Variants in POLR1A observed in about 807,000 individuals in gnomAD.
POLR1A encodes the protein DNA-directed RNA polymerase I subunit RPA1.
Under a neutral mutation model 205.3 loss-of-function variants are expected in POLR1A, and 84 were observed. That is an observed-to-expected ratio of 0.41 (90% CI 0.34 to 0.49). The LOEUF is 0.49. Ranked by LOEUF, POLR1A falls within the 20% of genes least tolerant of loss-of-function variation. The probability of loss-of-function intolerance (pLI) is 0.22; values close to 1 mark genes in which losing one functional copy is unlikely to be tolerated. For synonymous variants in POLR1A, 799 were observed against 863.7 expected (o/e 0.93, Z 1.31); for missense variants, 1,645 against 2,204.5 (o/e 0.75, Z 5.08).
Position 86,078,337 on chromosome 2 carries a change from C to G in POLR1A, c.1087-53G>C, listed in dbSNP as rs1573826572. The stretch of plus-strand genomic sequence containing the variant: ...ATGATGGAAAAAAGCTCCAAAAGGC[C>G]TGGCTTGATTTAATTTTTCTTTCTT... On this transcript the variant is annotated intron_variant, in intron 9 of 33. Coordinates refer to ENST00000263857, the MANE Select transcript of POLR1A (RefSeq NM_015425.6). 7.6e-6 allele frequency: 11 copies of G among 1,437,936 alleles called. No individual in the cohort carries two copies. The Middle Eastern group carries it at 5.4e-4, about 71-fold the overall frequency. 89.1% of individuals were successfully genotyped at this position (1,437,936 alleles called of 1,614,324 possible).
At chr2:86,033,488 C>A (rs765507671) in intron 28 of POLR1A, among the ~76,000 whole-genome samples, 173 bp downstream of exon 28, 43 of 152,224 alleles carry the variant, frequency 2.8e-4, no homozygotes, top group Admixed American at 1.3e-4. Flanking sequence ...GCCCATCAGG[C>A]CAAGAAGTGA....
intron 14 of POLR1A, 112 bp downstream of exon 14, chr2:86,065,162 G>T: frequency 2.0e-6 from 2 of 988,174 alleles, no homozygotes; most frequent in Non-Finnish European, 3.0e-6. Flanking sequence ...TCAGACTATT[G>T]CTGGCTTAGC....
rs781436654 is a variant in POLR1A, at chr2:86,065,260, T to C, written c.2058+14A>G. ...TCCTTTTGTTACATACACTGGCTGT[T>C]CTCTCCCAATTACCTGTTTTCCTGT... On this transcript the variant is annotated intron_variant, in intron 14 of 33. Coordinates refer to ENST00000263857, the MANE Select transcript of POLR1A (RefSeq NM_015425.6). The C allele has an allele frequency of 8.1e-6, 13 of 1,610,412 alleles. No individual in the cohort carries two copies. The East Asian group carries it at 2.7e-4, about 33-fold the overall frequency.
intron 2 of POLR1A, among the ~76,000 whole-genome samples, chr2:86,099,563 C>T (rs1041137952): frequency 6.6e-6 from 1 of 152,026 alleles, no homozygotes; most frequent in African/African-American, 2.4e-5. Flanking sequence ...GCTTCTCCTG[C>T]CACCACACAA....
At chr2:86,084,362 A>G (rs13028023) in intron 6 of POLR1A, among the ~76,000 whole-genome samples, 56,853 of 151,584 alleles carry the variant, frequency 0.38, 13,150 homozygotes, top group Non-Finnish European at 0.52. Context: ...GGCTGTAGGG[A>G]GCCGAGATCG....
intron 31 of POLR1A, among the ~76,000 whole-genome samples, chr2:86,029,631 C>G (rs753349559): frequency 1.1e-4 from 16 of 146,748 alleles, no homozygotes; most frequent in Non-Finnish European, 2.2e-4. Flanking sequence ...GAGTCTCACT[C>G]TGTCCCCCAG....
At chr2:86,096,381 T>A (rs1364185010) in intron 3 of POLR1A, among the ~76,000 whole-genome samples, 1 of 152,042 alleles carries the variant, frequency 6.6e-6, no homozygotes, top group Admixed American at 6.5e-5. Context: ...GTACAATCCC[T>A]ATCAAAATAC....
rs1252512645 is a variant in POLR1A at position 86,099,998 on chromosome 2, T to C, written c.252A>G (p.Pro84=). The part of the protein sequence containing the change: ...CSGHLGHIEL[P]LTVYNPLLFD... ...AGAGGAGAGGGTTATACACTGTGAGTGGGAGCTCAATGTGGCCCAGGTGCC... is the reference window on the plus strand; with the variant it reads ...AGAGGAGAGGGTTATACACTGTGAGCGGGAGCTCAATGTGGCCCAGGTGCC... Residue 84 remains proline (P), a synonymous_variant, in exon 2 of 34, where the codon CCA becomes CCG. Coordinates refer to ENST00000263857, the MANE Select transcript of POLR1A (RefSeq NM_015425.6). The C allele has an allele frequency of 1.9e-6, 3 of 1,613,848 alleles. No homozygotes were observed. Among genetic ancestry groups the C allele is most frequent in the Non-Finnish European group, 2.5e-6 (3 of 1,179,972 alleles).
intron 16 of POLR1A, among the ~76,000 whole-genome samples, chr2:86,051,176 G>A (rs1672794952): frequency 6.6e-6 from 1 of 152,126 alleles, no homozygotes; most frequent in Non-Finnish European, 1.5e-5. Context: ...TGATCCCAAA[G>A]GACATTTATA....
At position 86,028,140 on chromosome 2, in the gene POLR1A, A is replaced by G. The variant is rs931281874; in HGVS notation, c.4898-91T>C. On this transcript the variant is annotated intron_variant, in intron 32 of 33. Transcript: ENST00000263857. This position sits in a 1 kb window ranked among gnomAD's most constrained non-coding sequence, Gnocchi z 4.5. ...AGCCAAGCTGCCTCCACATCAGCAC[A>G]TGGCTTGGGAGTTAGACTCTGGGGC... 6.5e-6 allele frequency: 8 copies of G among 1,233,964 alleles called. No individual in the cohort carries two copies. The highest frequency in any genetic ancestry group is 5.9e-5 in the African/African-American group (4 of 67,698). The allele number at this position is 1,233,964 out of a possible 1,614,324, so 76.4% of individuals were successfully genotyped here. A position where few individuals can be genotyped will look rare whatever the true frequency, so the allele number is the denominator to read the frequency against.
At chr2:86,036,379 C>T (rs1025645740) in intron 27 of POLR1A, among the ~76,000 whole-genome samples, 5 of 152,152 alleles carry the variant, frequency 3.3e-5, no homozygotes, top group African/African-American at 2.4e-5. Context: ...GGGCCTTCTA[C>T]GCTTGTATAT....
In POLR1A at chr2:86,024,249, T is replaced by C; in HGVS notation, c.*3174A>G. 1 of 211,286 alleles carries C rather than the reference T, an allele frequency of 4.7e-6. No individual in the cohort carries two copies. The highest frequency in any genetic ancestry group is 1.0e-5 in the Non-Finnish European group (1 of 100,376). 13.1% of individuals were successfully genotyped at this position (211,286 alleles called of 1,614,324 possible). ...CTTGAGGACATTATGCTAAGTGAAATAAGCCGGTCACAAAAAGACATGCTG... is the reference window on the plus strand; with the variant it reads ...CTTGAGGACATTATGCTAAGTGAAACAAGCCGGTCACAAAAAGACATGCTG... On this transcript the variant is annotated 3_prime_UTR_variant, in exon 34 of 34. Transcript: ENST00000263857.
chr2:86,053,100 T>C (rs1020874160), intron 15 of POLR1A, 100 bp from the exon 16 acceptor site: 7 of 811,778 alleles, frequency 8.6e-6, no homozygotes, highest in Non-Finnish European at 1.2e-5. Flanking sequence ...TGCAAGTCCC[T>C]CTACTGTGAC....
chr2:86,028,011 C>T lies in POLR1A; in HGVS notation c.4936G>A (p.Asp1646Asn). ...VDPRHLSLVA[D>N]YMCFEGVYKP... ...TAAACACCCTCGAAGCACATATAAT[C>T]AGCAACCAGGGAGAGATGGCGAGGG... The change falls in exon 33 of 34, where the codon GAT becomes AAT. Residue 1646 changes from aspartate (D) to asparagine (N), a missense_variant. Asp to Asn is a conservative substitution (Grantham distance 23). This residue lies in a region of POLR1A where 86 missense variants were observed against 149.8 expected (regional missense o/e 0.57). Coordinates refer to ENST00000263857, the MANE Select transcript of POLR1A (RefSeq NM_015425.6). The surrounding 1 kb of genome is among the most constrained non-coding windows in gnomAD (Gnocchi z 4.5). The T allele has an allele frequency of 6.2e-7, 1 of 1,614,188 alleles. No individual in the cohort carries two copies. The highest frequency in any genetic ancestry group is 8.5e-7 in the Non-Finnish European group (1 of 1,180,034).
chr2:86,103,806 C>G (rs1673867475), intron 1 of POLR1A, among the ~76,000 whole-genome samples: 1 of 152,168 alleles, frequency 6.6e-6, no homozygotes. Context: ...ACAACTGTAT[C>G]ATGTGCAAAA....
intron 20 of POLR1A, 74 bp downstream of exon 20, chr2:86,045,543 G>T: frequency 1.3e-6 from 2 of 1,508,040 alleles, no homozygotes; most frequent in South Asian, 1.1e-5. Flanking sequence ...CTACCCTGTA[G>T]GGCAGTCATA....
chr2:86,077,475 C>A (rs1351258850), intron 11 of POLR1A, among the ~76,000 whole-genome samples: 6 of 152,158 alleles, frequency 3.9e-5, no homozygotes, highest in African/African-American at 1.4e-4. Context: ...ATGCCCCATG[C>A]CCTCTTCCTC....
At chr2:86,094,632 C>A (rs1673673584) in intron 3 of POLR1A, among the ~76,000 whole-genome samples, 1 of 152,252 alleles carries the variant, frequency 6.6e-6, no homozygotes, top group African/African-American at 2.4e-5. Flanking sequence ...CATGTGTACA[C>A]ACACTTTACA....
At chr2:86,035,555 T>G (rs949121090) in intron 27 of POLR1A, among the ~76,000 whole-genome samples, 4 of 152,158 alleles carry the variant, frequency 2.6e-5, no homozygotes, top group African/African-American at 9.7e-5. Context: ...GCTGCTTCCC[T>G]CAGCTGGGCG....
Sources: gnomAD v4.1 joint callset for allele counts (sites outside exome capture counted in the v4.1 genomes callset) on GRCh38, gnomAD v4.1.1 for gene constraint, gnomAD v4.1.1 regional missense constraint, Gnocchi (gnomAD v3.1) non-coding constraint, MANE v1.5 for transcripts, NCBI Gene and HGNC (gene_info 2026-07-23, HGNC 2026-07-21) for gene names.